Variants in RSRC1 observed in about 807,000 individuals in gnomAD.
The protein encoded by RSRC1 is arginine and serine rich coiled-coil 1.
In RSRC1, 39 loss-of-function variants were observed where a neutral mutation model predicts 49.1. The ratio of observed to expected loss-of-function variants is 0.79; its 90% CI spans 0.61 to 1.04. RSRC1 has a LOEUF of 1.04. Ranked by LOEUF, RSRC1 falls within the 50% of genes least tolerant of loss-of-function variation. The pLI is 0.00. For missense variants in RSRC1, 388 were observed against 402.4 expected (o/e 0.96, Z 0.31); for synonymous variants, 143 against 130.8 (o/e 1.09, Z -0.63).
chr3:158,223,932 C>T (rs777866610), intron 4 of RSRC1, among the ~76,000 whole-genome samples: 3 of 151,676 alleles, frequency 2.0e-5, no homozygotes, highest in African/African-American at 7.3e-5. Context: ...TTTAAAGAGA[C>T]CTTTCCTGAA....
chr3:158,409,706 T>C (rs1384451444), intron 6 of RSRC1, among the ~76,000 whole-genome samples: 2 of 143,286 alleles, frequency 1.4e-5, no homozygotes, highest in African/African-American at 5.2e-5. Context: ...AAAGAGAGTT[T>C]TGTGATATGA....
intron 6 of RSRC1, among the ~76,000 whole-genome samples, chr3:158,430,072 C>CA (rs145414836): frequency 0.35 from 45,138 of 129,524 alleles, 7,173 homozygotes; most frequent in Middle Eastern, 0.46. Flanking sequence ...ACCACACACA[C>CA]AAAAAAAATA....
In RSRC1 at chr3:158,460,938, A is replaced by G. The variant is rs1263674097; in HGVS notation, c.587A>G (p.Lys196Arg). The G allele has an allele frequency of 6.3e-7, 1 of 1,587,764 alleles. No homozygotes were observed. Among genetic ancestry groups the G allele is most frequent in the Admixed American group, 1.7e-5 (1 of 57,888 alleles). Reference sequence around the variant, plus strand: ...AATTGTATTGTTTTTGTTTCAGCAAAAGCTGATGAAGCATTGAAAGCCAAA... The same window carrying G: ...AATTGTATTGTTTTTGTTTCAGCAAGAGCTGATGAAGCATTGAAAGCCAAA... ...RLQLVLEAAA[K>R]ADEALKAKER... Residue 196 changes from lysine to arginine, a missense_variant, in exon 7 of 10, where the codon AAA (lysine) becomes AGA (arginine). Physicochemically the swap from Lys to Arg is conservative, Grantham distance 26. Transcript: ENST00000611884.
At chr3:158,454,624 G>A (rs1255801179) in intron 6 of RSRC1, among the ~76,000 whole-genome samples, 2 of 152,076 alleles carry the variant, frequency 1.3e-5, no homozygotes, top group Non-Finnish European at 2.9e-5. Context: ...GTTATTTACA[G>A]TGATAGTGAT....
At chr3:158,175,218 G>A (rs146147989) in intron 3 of RSRC1, among the ~76,000 whole-genome samples, 1 of 151,666 alleles carries the variant, frequency 6.6e-6, no homozygotes, top group Non-Finnish European at 1.5e-5. Flanking sequence ...ATATATTCTG[G>A]TTATAAACCC....
Position 158,422,017 on chromosome 3 carries a change from T to G in RSRC1, c.584-38918T>G, listed in dbSNP as rs545464447. Reference sequence around the variant, plus strand: ...CATATGTTTGGTTTTCATCAGAAATTGATTTTATTTGATGTATATAAACTA... The same window carrying G: ...CATATGTTTGGTTTTCATCAGAAATGGATTTTATTTGATGTATATAAACTA... On this transcript the variant is annotated intron_variant, in intron 6 of 9. Coordinates refer to ENST00000611884, the MANE Select transcript of RSRC1 (RefSeq NM_001271838.2). Among the ~76,000 whole-genome samples, 6 of 151,984 alleles carry G rather than the reference T, an allele frequency of 3.9e-5. No homozygotes were observed. The South Asian group carries it at 1.2e-3, about 32-fold the overall frequency.
intron 3 of RSRC1, among the ~76,000 whole-genome samples, chr3:158,145,255 C>A (rs536327381): frequency 2.6e-5 from 4 of 152,210 alleles, no homozygotes; most frequent in South Asian, 2.1e-4. Context: ...TAGGGTTTTT[C>A]TGGTTTTAGA....
At chr3:158,426,068 A>T (rs868466522) in intron 6 of RSRC1, among the ~76,000 whole-genome samples, 4 of 151,742 alleles carry the variant, frequency 2.6e-5, no homozygotes, top group Admixed American at 1.3e-4. Context: ...AAAAGAATTT[A>T]TTGTTCATAT....
chr3:158,120,512 G>C (rs935019982), intron 1 of RSRC1, among the ~76,000 whole-genome samples: 1 of 147,600 alleles, frequency 6.8e-6, no homozygotes, highest in Non-Finnish European at 1.5e-5. Flanking sequence ...ACTTTTAATG[G>C]AATGTATTAA....
intron 5 of RSRC1, among the ~76,000 whole-genome samples, chr3:158,317,752 G>C (rs547960811): frequency 6.6e-6 from 1 of 151,574 alleles, no homozygotes; most frequent in South Asian, 2.1e-4. Flanking sequence ...TAGAGACAGG[G>C]TCTCACCATG....
At chr3:158,446,820 T>C (rs998450573) in intron 6 of RSRC1, among the ~76,000 whole-genome samples, 4 of 152,056 alleles carry the variant, frequency 2.6e-5, no homozygotes, top group Admixed American at 2.6e-4. Flanking sequence ...GTAAAGGTCA[T>C]ATGTTGGTTC....
intron 5 of RSRC1, among the ~76,000 whole-genome samples, chr3:158,345,840 CAAT>C (rs1204571930): frequency 4.8e-5 from 7 of 146,626 alleles, no homozygotes; most frequent in South Asian, 2.1e-4. Context: ...TAATAATAAA[CAAT>C]AATATATATA....
chr3:158,211,449 C>T (rs1721669077), intron 4 of RSRC1, among the ~76,000 whole-genome samples: 1 of 151,920 alleles, frequency 6.6e-6, no homozygotes, highest in Admixed American at 6.6e-5. Flanking sequence ...AAAATCTAGC[C>T]ATGAATAACG....
chr3:158,418,593 G>A (rs1218117926), intron 6 of RSRC1, among the ~76,000 whole-genome samples: 1 of 151,786 alleles, frequency 6.6e-6, no homozygotes, highest in African/African-American at 2.4e-5. Context: ...AATGAGGTTC[G>A]CTCCTAGATA....
intron 5 of RSRC1, among the ~76,000 whole-genome samples, chr3:158,302,432 A>T (rs1024471876): frequency 6.6e-6 from 1 of 151,964 alleles, no homozygotes; most frequent in Non-Finnish European, 1.5e-5. Flanking sequence ...TAAGAAAATA[A>T]TTTTTTTAAT....
chr3:158,373,440 AATGT>A (rs1732186912), intron 6 of RSRC1, among the ~76,000 whole-genome samples: 1 of 151,878 alleles, frequency 6.6e-6, no homozygotes. Flanking sequence ...GTAAAGAATG[AATGT>A]TTTATTTTGT....
chr3:158,536,918 A>T (rs903509129), intron 7 of RSRC1, among the ~76,000 whole-genome samples, 174 bp from the exon 8 acceptor site: 2 of 151,578 alleles, frequency 1.3e-5, no homozygotes, highest in East Asian at 3.9e-4. Context: ...TATAAGTCTT[A>T]GTTCATAGGA....
chr3:158,265,027 C>T (rs1043070591), intron 4 of RSRC1, among the ~76,000 whole-genome samples: 2 of 152,240 alleles, frequency 1.3e-5, no homozygotes, highest in Non-Finnish European at 2.9e-5. Flanking sequence ...CATACACACT[C>T]TGTCTTGTGA....
chr3:158,496,318 T>C (rs1306845671), intron 7 of RSRC1, among the ~76,000 whole-genome samples: 1 of 152,166 alleles, frequency 6.6e-6, no homozygotes, highest in Non-Finnish European at 1.5e-5. Context: ...CAAAATCACC[T>C]GGAGACTGAT....
Sources: gnomAD v4.1 joint callset for allele counts (sites outside exome capture counted in the v4.1 genomes callset) on GRCh38, gnomAD v4.1.1 for gene constraint, MANE v1.5 for transcripts, NCBI Gene and HGNC (gene_info 2026-07-23, HGNC 2026-07-21) for gene names.